The following KIF16B variants were observed in gnomAD, a reference collection of about 807,000 sequenced individuals.
KIF16B encodes kinesin family member 16B.
In KIF16B, 98 loss-of-function variants were observed where a neutral mutation model predicts 156.3. The ratio of observed to expected loss-of-function variants is 0.63; its 90% CI spans 0.53 to 0.74. KIF16B has a LOEUF of 0.74. Among genes scored for constraint, KIF16B ranks in the 30% least tolerant of loss-of-function variants. KIF16B has a pLI of 0.00. For synonymous variants in KIF16B, 564 were observed against 583.7 expected (o/e 0.97, Z 0.49); for missense variants, 1,421 against 1,606.5 (o/e 0.88, Z 1.97).
chr20:16,332,098 C>G (rs2063958030), intron 24 of KIF16B, among the ~76,000 whole-genome samples: 1 of 152,146 alleles, frequency 6.6e-6, no homozygotes, highest in Non-Finnish European at 1.5e-5. Flanking sequence ...TCTAGAATGA[C>G]AGGCTACTGT....
At chr20:16,527,768 C>T (rs2069601884) in intron 2 of KIF16B, among the ~76,000 whole-genome samples, 1 of 152,072 alleles carries the variant, frequency 6.6e-6, no homozygotes, top group East Asian at 1.9e-4. Context: ...TAATTTTATA[C>T]CCCCGTTACC....
chr20:16,454,066 G>A (rs191047199), intron 12 of KIF16B, among the ~76,000 whole-genome samples: 24 of 151,872 alleles, frequency 1.6e-4, no homozygotes, highest in African/African-American at 4.6e-4. Context: ...ATCTTGGGGC[G>A]ATCTACAATG....
intron 25 of KIF16B, among the ~76,000 whole-genome samples, chr20:16,275,892 A>G (rs566663160): frequency 6.6e-5 from 10 of 152,370 alleles, no homozygotes; most frequent in African/African-American, 2.4e-4. Flanking sequence ...TCAACCAGCC[A>G]ATGCTCGCGG....
chr20:16,387,831 C>A (rs577323785), intron 17 of KIF16B, among the ~76,000 whole-genome samples: 3 of 152,178 alleles, frequency 2.0e-5, no homozygotes, highest in African/African-American at 7.2e-5. Context: ...AATCATAGGT[C>A]CTCCTCAGGC....
chr20:16,347,558 C>T (rs1002807078), intron 23 of KIF16B, among the ~76,000 whole-genome samples: 12 of 151,216 alleles, frequency 7.9e-5, no homozygotes, highest in African/African-American at 2.7e-4. Context: ...GTGTGAAAAC[C>T]GGGAAAGAAA....
At chr20:16,340,538 G>C (rs1470938522) in intron 23 of KIF16B, among the ~76,000 whole-genome samples, 3 of 152,316 alleles carry the variant, frequency 2.0e-5, no homozygotes, top group Non-Finnish European at 2.9e-5. Context: ...GGAGCCCCCA[G>C]ATGGACTTGT....
intron 24 of KIF16B, among the ~76,000 whole-genome samples, chr20:16,330,666 G>A (rs1290744044): frequency 1.3e-5 from 2 of 152,176 alleles, no homozygotes; most frequent in African/African-American, 4.8e-5. Context: ...ATGAGACAAT[G>A]TTGCTCATGC....
rs747957213 is a variant in KIF16B at position 16,497,642 on chromosome 20, C to T, written c.1213G>A (p.Glu405Lys). 8 of 1,611,590 alleles carry T rather than the reference C, an allele frequency of 5.0e-6. No homozygotes were observed. The highest frequency in any genetic ancestry group is 1.1e-5 in the South Asian group (1 of 90,990). Residue 405 changes from glutamate to lysine, a missense_variant, in exon 11 of 26, where the codon GAG becomes AAG. Physicochemically the swap from Glu to Lys is moderately conservative, Grantham distance 56. Transcript: ENST00000354981. ...LLDSPTALSM[E>K]EKLQQNEARV... ...GCTTCATTCTGCTGAAGTTTTTCCT[C>T]CATACTTAAAGCTGTGGGGGAGTCT...
chr20:16,369,054 C>A, intron 22 of KIF16B: 2 of 985,750 alleles, frequency 2.0e-6, no homozygotes, highest in Non-Finnish European at 2.4e-6. Flanking sequence ...CCTGGAATAC[C>A]TCGGGTACTG....
intron 1 of KIF16B, among the ~76,000 whole-genome samples, chr20:16,534,114 C>A (rs913283255): frequency 6.6e-6 from 1 of 151,904 alleles, no homozygotes; most frequent in Non-Finnish European, 1.5e-5. Context: ...AAAAATTAGC[C>A]GAGCATGGTG....
At chr20:16,438,100 T>C (rs1050714471) in intron 12 of KIF16B, among the ~76,000 whole-genome samples, 3 of 151,956 alleles carry the variant, frequency 2.0e-5, no homozygotes, top group Non-Finnish European at 1.5e-5. Context: ...TGAGCCAAGA[T>C]TGTGCCACTG....
At chr20:16,477,073 G>C (rs2067836627) in intron 12 of KIF16B, among the ~76,000 whole-genome samples, 1 of 152,022 alleles carries the variant, frequency 6.6e-6, no homozygotes, top group African/African-American at 2.4e-5. Flanking sequence ...AGGTAAATAA[G>C]GCATAATTAA....
intron 12 of KIF16B, among the ~76,000 whole-genome samples, chr20:16,440,576 CACACACACAG>C (rs1302287850): frequency 7.6e-6 from 1 of 132,194 alleles, no homozygotes; most frequent in African/African-American, 2.8e-5. Context: ...CACACACACA[CACACACACAG>C]GTACACATTT....
intron 25 of KIF16B, among the ~76,000 whole-genome samples, chr20:16,290,269 T>C (rs959440621): frequency 1.3e-5 from 2 of 152,220 alleles, no homozygotes; most frequent in East Asian, 3.8e-4. Flanking sequence ...TAGTTGTACA[T>C]TATTTGATGG....
intron 3 of KIF16B, among the ~76,000 whole-genome samples, chr20:16,519,625 C>T (rs2069261765): frequency 6.6e-6 from 1 of 152,108 alleles, no homozygotes; most frequent in Non-Finnish European, 1.5e-5. Flanking sequence ...GGAATAAGAC[C>T]TGAGATTTCA....
intron 12 of KIF16B, among the ~76,000 whole-genome samples, chr20:16,481,610 T>A (rs2067985710): frequency 1.3e-5 from 2 of 152,196 alleles, no homozygotes; most frequent in Non-Finnish European, 2.9e-5. Context: ...TCAAATCTGC[T>A]GGGAATGCCA....
chr20:16,506,557 T>G (rs918397184), intron 7 of KIF16B, among the ~76,000 whole-genome samples: 1 of 152,144 alleles, frequency 6.6e-6, no homozygotes, highest in Non-Finnish European at 1.5e-5. Flanking sequence ...GAACAAAAGC[T>G]TTCCAAAATA....
chr20:16,529,782 T>A (rs939038514), intron 1 of KIF16B, among the ~76,000 whole-genome samples: 2 of 152,136 alleles, frequency 1.3e-5, no homozygotes, highest in African/African-American at 4.8e-5. Context: ...AGAAACCCCA[T>A]CTCTACTAAA....
chr20:16,511,590 C>A, intron 5 of KIF16B, 63 bp from the exon 6 acceptor site: 2 of 1,027,146 alleles, frequency 1.9e-6, no homozygotes, highest in Non-Finnish European at 1.5e-6. Flanking sequence ...TCAGTAACAA[C>A]ACATAACAGC....
Sources: gnomAD v4.1 joint callset for allele counts (sites outside exome capture counted in the v4.1 genomes callset) on GRCh38, gnomAD v4.1.1 for gene constraint, MANE v1.5 for transcripts, NCBI Gene and HGNC (gene_info 2026-07-23, HGNC 2026-07-21) for gene names.